The following CNFN variants were observed in gnomAD, a reference collection of about 807,000 sequenced individuals.
CNFN encodes cornefied envelope protein cornefilin.
A neutral mutation model predicts 14.9 loss-of-function variants in CNFN; 10 were observed. That is an observed-to-expected ratio of 0.67 (90% CI 0.41 to 1.14). CNFN has a LOEUF of 1.14. CNFN is among the 50% of genes most tolerant of loss of function. The probability of loss-of-function intolerance (pLI) is 0.00; values close to 1 mark genes in which losing one functional copy is unlikely to be tolerated. For synonymous variants in CNFN, 66 were observed against 60.0 expected (o/e 1.10, Z -0.46); for missense variants, 165 against 152.8 (o/e 1.08, Z -0.42).
chr19:42,389,654 T>A, intron 1 of CNFN: 1 of 270,320 alleles, frequency 3.7e-6, no homozygotes, highest in Non-Finnish European at 7.1e-6. Flanking sequence ...GGGGCTGGGC[T>A]CTCAGGGGGA....
rs749183782 is a variant in CNFN at position 42,387,292 on chromosome 19, G to A, written c.249+48C>T. 1.4e-5 allele frequency: 22 copies of A among 1,605,536 alleles called. No individual in the cohort carries two copies. The South Asian group carries it at 2.4e-4, about 18-fold the overall frequency. ...GGAGCCCCGCGGTGGGTCCCAGGAG[G>A]CCAGTCCCCAGCTCCCTGCTCCCGC... On this transcript the variant is annotated intron_variant, in intron 3 of 3. Transcript: ENST00000222032.
At chr19:42,388,497 T>C (rs112355318) in intron 2 of CNFN, among the ~76,000 whole-genome samples, 109 of 152,090 alleles carry the variant, frequency 7.2e-4, no homozygotes, top group African/African-American at 2.6e-3. Context: ...CCGACCTATT[T>C]TTTATTTTTA....
In CNFN at chr19:42,387,110, A is replaced by G; in HGVS notation, c.*43T>C. 1 of 1,599,552 alleles carries G rather than the reference A, an allele frequency of 6.3e-7. No homozygotes were observed. Among genetic ancestry groups the G allele is most frequent in the Non-Finnish European group, 8.6e-7 (1 of 1,166,986 alleles). On this transcript the variant is annotated 3_prime_UTR_variant, in exon 4 of 4. Transcript: ENST00000222032. ...CCCAGGAGTGGCCAGAGAAGGCCAGAGGCGAGACTGGTGGAAAAGGACGGG... is the reference window on the plus strand; with the variant it reads ...CCCAGGAGTGGCCAGAGAAGGCCAGGGGCGAGACTGGTGGAAAAGGACGGG...
At chr19:42,389,360 G>T in intron 1 of CNFN, 2 of 806,074 alleles carry the variant, frequency 2.5e-6, no homozygotes, top group Non-Finnish European at 3.7e-6. Context: ...CTGGGTTCTG[G>T]GTTGCAGCAT....
intron 2 of CNFN, 38 bp from the exon 3 acceptor site, chr19:42,387,514 G>A: frequency 6.7e-7 from 1 of 1,499,846 alleles, no homozygotes; most frequent in Non-Finnish European, 8.9e-7. Context: ...GGGGCCAGCC[G>A]GGGCCTCCCG....
In CNFN at chr19:42,388,906, G is replaced by A. The variant is rs1394144539; in HGVS notation, c.112+20C>T. 6.4e-6 allele frequency: 10 copies of A among 1,567,876 alleles called. No homozygotes were observed. Among genetic ancestry groups the A allele is most frequent in the Non-Finnish European group, 8.8e-6 (10 of 1,140,764 alleles). ...ACCCATCTTCCACCAGGCCTGGAGA[G>A]GGAGCAGGCAGGCACTCACAGACAG... On this transcript the variant is annotated intron_variant, in intron 2 of 3. Transcript: ENST00000222032.
In CNFN at chr19:42,387,403, C is replaced by G; in HGVS notation, c.186G>C (p.Ala62=). The change falls in exon 3 of 4, where the codon GCG becomes GCC. Residue 62 remains alanine, a synonymous_variant. Coordinates refer to ENST00000222032, the MANE Select transcript of CNFN (RefSeq NM_032488.4). ...ISDDFGECCC[A]PYLPGGLHSI... ...AGTGCAGGCCTCCGGGCAGGTAGGG[C>G]GCGCAGCAGCACTCGCCAAAGTCGT... 2 of 1,601,680 alleles carry G rather than the reference C, an allele frequency of 1.2e-6. No homozygotes were observed. The highest frequency in any genetic ancestry group is 4.5e-5 in the East Asian group (2 of 44,210).
rs111483336 is a variant in CNFN, at chr19:42,390,185, A to G, written c.-3+55T>C. On this transcript the variant is annotated intron_variant, in intron 1 of 3. Coordinates refer to ENST00000222032, the MANE Select transcript of CNFN (RefSeq NM_032488.4). ...ATGAGTGGGATGAGGAGGAGGGAGA[A>G]CAGAGCAGAGGCGCCCAACCTCAAA... The G allele has an allele frequency of 3.7e-3, 576 of 154,404 alleles. 2 individuals are homozygous for G. The highest frequency in any genetic ancestry group is 0.02 in the Middle Eastern group (6 of 294). The allele number at this position is 154,404 out of a possible 1,614,324, so 9.6% of individuals were successfully genotyped here.
At chr19:42,388,522 G>C (rs1047166597) in intron 2 of CNFN, among the ~76,000 whole-genome samples, 1 of 152,068 alleles carries the variant, frequency 6.6e-6, no homozygotes. Context: ...TGTAGAGATG[G>C]GGATCTCATT....
intron 3 of CNFN, 48 bp downstream of exon 3, chr19:42,387,292 G>T: frequency 6.2e-7 from 1 of 1,605,654 alleles, no homozygotes; most frequent in Non-Finnish European, 8.5e-7. Flanking sequence ...GTCCCAGGAG[G>T]CCAGTCCCCA....
In CNFN at chr19:42,387,448, GCA is replaced by G; in HGVS notation, c.139_140del (p.Cys47ProfsTer106). On this transcript the variant is annotated frameshift_variant, in exon 3 of 4. Transcript: ENST00000222032. LOFTEE classifies it high-confidence loss of function. ...AGTCGTCGGAGATGCGGCAGGCAAG[GCA>G]CAGAGGAGCAAAAGTGCCGCACAGA... ...VCLCGTFAPLCLACRISDDFG... is the reference protein window; with the variant it reads ...VCLCGTFAPLXLACRISDDFG... The G allele has an allele frequency of 1.3e-6, 2 of 1,593,948 alleles. No individual in the cohort carries two copies. Among genetic ancestry groups the G allele is most frequent in the Non-Finnish European group, 1.7e-6 (2 of 1,172,122 alleles).
Position 42,387,345 on chromosome 19 carries a change from T to A in CNFN, c.244A>T (p.Ile82Phe), listed in dbSNP as rs1267656502. 8 of 1,596,930 alleles carry A rather than the reference T, an allele frequency of 5.0e-6. No individual in the cohort carries two copies. The highest frequency in any genetic ancestry group is 6.8e-6 in the Non-Finnish European group (8 of 1,172,868). The change falls in exon 3 of 4, where the codon ATC (isoleucine) becomes TTC (phenylalanine). Residue 82 changes from isoleucine to phenylalanine, a missense_variant. Transcript: ENST00000222032. ...GTCCCCAGCCCGGCGCGCACCTGGA[T>A]GTGGTAGCGCTCCCGCATGCCGGTG... is the stretch of plus-strand genomic sequence containing the variant. Reference protein sequence around the residue: ...IRTGMRERYHIQGSVGHDWAA... With the variant: ...IRTGMRERYHFQGSVGHDWAA...
intron 1 of CNFN, 138 bp from the exon 2 acceptor site, chr19:42,389,177 C>T: frequency 3.1e-6 from 2 of 650,628 alleles, no homozygotes; most frequent in East Asian, 5.5e-5. Flanking sequence ...CACTGTGCCT[C>T]CCCCTTCCCT....
chr19:42,387,331 G>A lies in CNFN; in HGVS notation c.249+9C>T, dbSNP rs1306232257. On this transcript the variant is annotated intron_variant, in intron 3 of 3. Coordinates refer to ENST00000222032, the MANE Select transcript of CNFN (RefSeq NM_032488.4). ...CCCTGCTCCCGCGGGTCCCCAGCCC[G>A]GCGCGCACCTGGATGTGGTAGCGCT... The A allele has an allele frequency of 2.5e-6, 4 of 1,596,724 alleles. No individual in the cohort carries two copies. Among genetic ancestry groups the A allele is most frequent in the Middle Eastern group, 1.8e-4 (1 of 5,646 alleles).
intron 2 of CNFN, among the ~76,000 whole-genome samples, chr19:42,388,139 G>A (rs111535894): frequency 0.14 from 21,751 of 151,660 alleles, 2,466 homozygotes; most frequent in African/African-American, 0.31. Flanking sequence ...CTCCCGCCTC[G>A]GCCTCCCGAG....
Position 42,387,689 on chromosome 19 carries a change from T to C in CNFN, c.113-213A>G, listed in dbSNP as rs2039864802. Among the ~76,000 whole-genome samples, 4 of 147,774 alleles carry C rather than the reference T, an allele frequency of 2.7e-5. No homozygotes were observed. The South Asian group carries it at 8.4e-4, about 31-fold the overall frequency. ...TTTTTTTCTTCTTTTTTTTTTTTTT[T>C]AGAAATTGGAGGCTGGGTGCAGTGG... On this transcript the variant is annotated intron_variant, in intron 2 of 3. Coordinates refer to ENST00000222032, the MANE Select transcript of CNFN (RefSeq NM_032488.4).
chr19:42,387,114 G>A lies in CNFN; in HGVS notation c.*39C>T, dbSNP rs993104779. ...GGAGTGGCCAGAGAAGGCCAGAGGC[G>A]AGACTGGTGGAAAAGGACGGGGAAG... On this transcript the variant is annotated 3_prime_UTR_variant, in exon 4 of 4. Transcript: ENST00000222032. 1.2e-6 allele frequency: 2 copies of A among 1,605,358 alleles called. No homozygotes were observed. The highest frequency in any genetic ancestry group is 1.7e-6 in the Non-Finnish European group (2 of 1,172,256).
chr19:42,388,782 A>ATTC, intron 2 of CNFN, 144 bp downstream of exon 2: 1 of 615,202 alleles, frequency 1.6e-6, no homozygotes, highest in South Asian at 1.8e-5. Flanking sequence ...GGTGACTGTT[A>ATTC]GAGTGGGAAT....
intron 3 of CNFN, 23 bp from the exon 4 acceptor site, chr19:42,387,265 C>A (rs765518338): frequency 1.2e-6 from 2 of 1,611,046 alleles, no homozygotes; most frequent in East Asian, 4.5e-5. Context: ...AGAGAGCGGT[C>A]AGGAGCCCCG....
Sources: gnomAD v4.1 joint callset for allele counts (sites outside exome capture counted in the v4.1 genomes callset) on GRCh38, gnomAD v4.1.1 for gene constraint, MANE v1.5 for transcripts, NCBI Gene and HGNC (gene_info 2026-07-23, HGNC 2026-07-21) for gene names.